CSMD1: variants seen among roughly 807,000 people sequenced by gnomAD.
The protein encoded by CSMD1 is CUB and sushi domain-containing protein 1.
CSMD1 carries 213 observed loss-of-function variants against 417.5 expected under a neutral mutation model. That is an observed-to-expected ratio of 0.51 (90% CI 0.46 to 0.57). The LOEUF is 0.57. CSMD1 is among the 20% of genes least tolerant of loss of function. CSMD1 has a pLI of 0.00. For synonymous variants in CSMD1, 2,862 were observed against 1,736.8 expected, an observed-to-expected ratio of 1.65 and a Z score of -16.11; for missense variants, 6,923 against 4,529.7, an observed-to-expected ratio of 1.53 and a Z score of -15.17.
chr8:4,014,691 G>C (rs556345788), intron 4 of CSMD1, among the ~76,000 whole-genome samples: 4 of 152,310 alleles, frequency 2.6e-5, no homozygotes, highest in African/African-American at 9.6e-5. Context: ...CTTGTGATGA[G>C]GCTGGAGCTA....
At chr8:4,087,591 A>G (rs184829589) in intron 3 of CSMD1, among the ~76,000 whole-genome samples, 15 of 152,004 alleles carry the variant, frequency 9.9e-5, no homozygotes, top group African/African-American at 3.1e-4. Context: ...TTATCTGTCT[A>G]ACTTTCTGTC....
intron 5 of CSMD1, among the ~76,000 whole-genome samples, chr8:3,893,792 C>G (rs371053964): frequency 6.6e-6 from 1 of 152,080 alleles, no homozygotes; most frequent in South Asian, 2.1e-4. Flanking sequence ...GGAATTTCCC[C>G]TATAGAGAGC....
intron 1 of CSMD1, among the ~76,000 whole-genome samples, chr8:4,794,852 G>C (rs535653361): frequency 2.6e-5 from 4 of 152,276 alleles, no homozygotes; most frequent in East Asian, 1.9e-4. Context: ...TCCAAGACAA[G>C]AACTGGAGTC....
chr8:4,565,871 C>G (rs925647355), intron 2 of CSMD1, among the ~76,000 whole-genome samples: 3 of 147,850 alleles, frequency 2.0e-5, no homozygotes, highest in African/African-American at 7.5e-5. Flanking sequence ...TTTTCTTCTT[C>G]TGTTGAAAGA....
At chr8:3,522,473 A>G (rs1470909139) in intron 10 of CSMD1, among the ~76,000 whole-genome samples, 2 of 152,202 alleles carry the variant, frequency 1.3e-5, no homozygotes, top group East Asian at 3.8e-4. Flanking sequence ...TTACTTTTAG[A>G]TGGCATAACA....
At chr8:3,156,683 A>C (rs1563094292) in intron 39 of CSMD1, among the ~76,000 whole-genome samples, 1 of 152,210 alleles carries the variant, frequency 6.6e-6, no homozygotes. Context: ...AAAGAAAGGC[A>C]GAAAATCTAT....
intron 3 of CSMD1, among the ~76,000 whole-genome samples, chr8:4,069,462 G>T (rs1000720617): frequency 6.6e-5 from 10 of 152,058 alleles, no homozygotes; most frequent in Admixed American, 6.6e-4. Context: ...TTTGTCTTTC[G>T]CAGGATATTA....
chr8:4,534,608 C>G (rs557748587), intron 2 of CSMD1, among the ~76,000 whole-genome samples: 4 of 151,974 alleles, frequency 2.6e-5, no homozygotes, highest in Non-Finnish European at 4.4e-5. Flanking sequence ...ATTCTAGTAG[C>G]CTGAAATGTC....
intron 1 of CSMD1, among the ~76,000 whole-genome samples, chr8:4,820,072 T>G (rs1234476943): frequency 6.6e-6 from 1 of 152,184 alleles, no homozygotes; most frequent in Non-Finnish European, 1.5e-5. Context: ...CCACCTGCCT[T>G]GTACCTCTGG....
At chr8:4,248,932 A>G (rs1197417919) in intron 3 of CSMD1, among the ~76,000 whole-genome samples, 1 of 152,228 alleles carries the variant, frequency 6.6e-6, no homozygotes, top group Non-Finnish European at 1.5e-5. Flanking sequence ...TATTTAATGC[A>G]TGTAGATGCA....
Position 4,031,868 on chromosome 8 carries a change from C to G in CSMD1, c.610+37G>C, listed in dbSNP as rs376847724. 3.3e-6 allele frequency: 5 copies of G among 1,536,962 alleles called. No individual in the cohort carries two copies. The Admixed American group carries it at 5.6e-5, about 17-fold the overall frequency. ...GCATCTCCAAAACCATTGCCCTGCCCTGGAGTCTGCTCACCAGCCCCCTTG... is the reference window on the plus strand; with the variant it reads ...GCATCTCCAAAACCATTGCCCTGCCGTGGAGTCTGCTCACCAGCCCCCTTG... On this transcript the variant is annotated intron_variant, in intron 4 of 69. Transcript: ENST00000635120.
chr8:3,239,073 T>C (rs1318596069), intron 26 of CSMD1, among the ~76,000 whole-genome samples: 2 of 152,192 alleles, frequency 1.3e-5, no homozygotes, highest in African/African-American at 2.4e-5. Context: ...CTATACCCTG[T>C]AGCATTCTGA....
At chr8:3,260,895 G>A (rs999477063) in intron 26 of CSMD1, among the ~76,000 whole-genome samples, 3 of 152,068 alleles carry the variant, frequency 2.0e-5, no homozygotes, top group Admixed American at 6.5e-5. Context: ...TGAAAGCCAC[G>A]TATCTGACAA....
At chr8:4,330,915 C>G (rs1202811062) in intron 3 of CSMD1, among the ~76,000 whole-genome samples, 3 of 152,070 alleles carry the variant, frequency 2.0e-5, no homozygotes, top group African/African-American at 4.8e-5. Flanking sequence ...GCCCAGCACC[C>G]TACATTGGAT....
At chr8:4,552,373 A>G (rs1797912690) in intron 2 of CSMD1, among the ~76,000 whole-genome samples, 1 of 152,040 alleles carries the variant, frequency 6.6e-6, no homozygotes, top group South Asian at 2.1e-4. Flanking sequence ...TTTAAGGAAG[A>G]GCCTACTCAA....
chr8:3,606,527 G>A (rs904304578), intron 8 of CSMD1, among the ~76,000 whole-genome samples: 1 of 152,068 alleles, frequency 6.6e-6, no homozygotes, highest in South Asian at 2.1e-4. Context: ...AATGGAGCTG[G>A]CAGGGTGGAA....
chr8:4,434,687 C>T (rs146202790), intron 2 of CSMD1, among the ~76,000 whole-genome samples: 1 of 152,108 alleles, frequency 6.6e-6, no homozygotes, highest in Admixed American at 6.6e-5. Flanking sequence ...TGGAAAGGAA[C>T]AAAGAGTAAC....
intron 5 of CSMD1, among the ~76,000 whole-genome samples, chr8:3,995,240 T>G (rs956040967): frequency 2.0e-5 from 3 of 152,212 alleles, no homozygotes; most frequent in Non-Finnish European, 4.4e-5. Flanking sequence ...CATAGTTATT[T>G]AGGAGAACCA....
chr8:4,907,083 T>C (rs770798380), intron 1 of CSMD1, among the ~76,000 whole-genome samples: 3 of 152,256 alleles, frequency 2.0e-5, no homozygotes, highest in African/African-American at 7.2e-5. Flanking sequence ...CTGTTTGGTA[T>C]GTAACAAGCC....
Sources: gnomAD v4.1 joint callset for allele counts (sites outside exome capture counted in the v4.1 genomes callset) on GRCh38, gnomAD v4.1.1 for gene constraint, MANE v1.5 for transcripts, NCBI Gene and HGNC (gene_info 2026-07-23, HGNC 2026-07-21) for gene names.